Variants in CSNK1E observed in about 807,000 individuals in gnomAD.
CSNK1E encodes the protein casein kinase 1 epsilon, also known as casein kinase I isoform epsilon.
In CSNK1E, 17 loss-of-function variants were observed where a neutral mutation model predicts 46.1. The observed-to-expected ratio is 0.37, with a 90% CI of 0.25 to 0.55. CSNK1E has a LOEUF of 0.55. Among genes scored for constraint, CSNK1E ranks in the 20% least tolerant of loss-of-function variants. CSNK1E has a pLI of 0.82. For synonymous variants in CSNK1E, 241 were observed against 242.6 expected, an observed-to-expected ratio of 0.99 and a Z score of 0.06; for missense variants, 386 against 595.4, an observed-to-expected ratio of 0.65 and a Z score of 3.66.
In CSNK1E at chr22:38,298,606, C is replaced by T; in HGVS notation, c.885+180G>A. ...CTGGGCCCTGCTGCCCATGGTGGCA[C>T]AAGCTGTCAGCACGGATGAGGCTGG... On this transcript the variant is annotated intron_variant, in intron 7 of 10. Coordinates refer to ENST00000396832, the MANE Select transcript of CSNK1E (RefSeq NM_152221.3). The surrounding 1 kb of genome is among the most constrained non-coding windows in gnomAD (Gnocchi z 4.2). 7.3e-6 allele frequency: 5 copies of T among 687,980 alleles called. No homozygotes were observed. Among genetic ancestry groups the T allele is most frequent in the South Asian group, 3.6e-5 (2 of 56,062 alleles). 42.6% of individuals were successfully genotyped at this position (687,980 alleles called of 1,614,324 possible).
chr22:38,300,100 G>A lies in CSNK1E; in HGVS notation c.566-35C>T. The A allele has an allele frequency of 5.6e-6, 9 of 1,603,076 alleles. No individual in the cohort carries two copies. The highest frequency in any genetic ancestry group is 6.8e-6 in the Non-Finnish European group (8 of 1,172,974). The stretch of plus-strand genomic sequence containing the variant: ...GAGTCAAAGACTAGGTGAGGGACAG[G>A]GGTCCACTCAGGCCCCTAACTCATC... On this transcript the variant is annotated intron_variant, in intron 5 of 10. Transcript: ENST00000396832. The surrounding 1 kb of genome is among the most constrained non-coding windows in gnomAD (Gnocchi z 4.4).
At chr22:38,307,495 G>A (rs1001923303) in intron 2 of CSNK1E, among the ~76,000 whole-genome samples, 1 of 151,466 alleles carries the variant, frequency 6.6e-6, no homozygotes, top group African/African-American at 2.4e-5. Flanking sequence ...AGGTTGCAGT[G>A]AGCCGAGATC....
At chr22:38,313,200 C>G (rs898799116) in intron 2 of CSNK1E, among the ~76,000 whole-genome samples, 3 of 152,166 alleles carry the variant, frequency 2.0e-5, no homozygotes, top group Non-Finnish European at 4.4e-5. Flanking sequence ...CTGCACTGGA[C>G]AGAGCTGATT....
At chr22:38,311,029 CA>C (rs1300505787) in intron 2 of CSNK1E, among the ~76,000 whole-genome samples, 1 of 152,180 alleles carries the variant, frequency 6.6e-6, no homozygotes, top group Admixed American at 6.5e-5. Flanking sequence ...GCCCTTGCAC[CA>C]GTGAAGATGG....
chr22:38,304,377 G>A (rs1057385082), intron 2 of CSNK1E, among the ~76,000 whole-genome samples: 2 of 152,182 alleles, frequency 1.3e-5, no homozygotes, highest in African/African-American at 4.8e-5. Flanking sequence ...ATCTCAAGTA[G>A]AGGAAAAGTT....
intron 1 of CSNK1E, among the ~76,000 whole-genome samples, chr22:38,316,198 T>A (rs1282019345): frequency 2.0e-5 from 3 of 152,190 alleles, no homozygotes; most frequent in African/African-American, 7.2e-5. Flanking sequence ...CCAACCAGCA[T>A]GGCACACGGG....
Position 38,303,377 on chromosome 22 carries a change from G to C in CSNK1E, c.77-129C>G. On this transcript the variant is annotated intron_variant, in intron 2 of 10. Transcript: ENST00000396832. This position sits in a 1 kb window ranked among gnomAD's most constrained non-coding sequence, Gnocchi z 4.7. ...GGCCATCTGCCCTTGAGGAGCTCTTGGGGGAGGCTGGGAAGGGGGCAAAGG... is the reference window on the plus strand; with the variant it reads ...GGCCATCTGCCCTTGAGGAGCTCTTCGGGGAGGCTGGGAAGGGGGCAAAGG... 1 of 753,310 alleles carries C rather than the reference G, an allele frequency of 1.3e-6. No individual in the cohort carries two copies. Among genetic ancestry groups the C allele is most frequent in the African/African-American group, 1.8e-5 (1 of 56,658 alleles). 46.7% of individuals were successfully genotyped at this position (753,310 alleles called of 1,614,324 possible). A position where few individuals can be genotyped will look rare whatever the true frequency, so the allele number is the denominator to read the frequency against.
rs1305628958 is a variant in CSNK1E, at chr22:38,294,411, T to G, written c.1009A>C (p.Thr337Pro). The G allele has an allele frequency of 6.4e-7, 1 of 1,557,840 alleles. No homozygotes were observed. Among genetic ancestry groups the G allele is most frequent in the Non-Finnish European group, 8.7e-7 (1 of 1,153,824 alleles). ...GCGGCACTGCGGAGCCGGTTGGCAG[T>G]GGCCCCCGTGGGTGGGCCAGGGGGC... The part of the protein sequence containing the change: ...ALPPGPPTGA[T>P]ANRLRSAAEP... Residue 337 changes from threonine to proline, a missense_variant, in exon 8 of 11, where the codon ACT becomes CCT. Thr to Pro is a conservative substitution (Grantham distance 38, BLOSUM62 -1). This residue lies in a region of CSNK1E where 174 missense variants were observed against 185.2 expected (regional missense o/e 0.94). Coordinates refer to ENST00000396832, the MANE Select transcript of CSNK1E (RefSeq NM_152221.3). The surrounding 1 kb of genome is among the most constrained non-coding windows in gnomAD (Gnocchi z 5.5).
intron 2 of CSNK1E, among the ~76,000 whole-genome samples, chr22:38,310,884 T>G (rs956006554): frequency 6.6e-6 from 1 of 152,192 alleles, no homozygotes; most frequent in South Asian, 2.1e-4. Context: ...GATAAGAATG[T>G]GGCCAGAGTG....
chr22:38,297,032 C>T (rs2092644499), intron 7 of CSNK1E: 1 of 719,366 alleles, frequency 1.4e-6, no homozygotes, highest in Non-Finnish European at 2.6e-6. Context: ...CTATGGCCTC[C>T]CAAAGTGCTG....
At chr22:38,297,942 T>C (rs2092649564) in intron 7 of CSNK1E, 13 of 1,116,888 alleles carry the variant, frequency 1.2e-5, no homozygotes, top group African/African-American at 1.7e-5. Flanking sequence ...GGACAGCTCC[T>C]CCACCTCCTC....
rs764024536 is a variant in CSNK1E, at chr22:38,298,756, C to T, written c.885+30G>A. On this transcript the variant is annotated intron_variant, in intron 7 of 10. Transcript: ENST00000396832. This position sits in a 1 kb window ranked among gnomAD's most constrained non-coding sequence, Gnocchi z 4.2. ...TCAGGGCCTTCCCCATCCAGTCCCC[C>T]AAGCCCGCCTTGGCCTCCAGGTGAC... 4 of 1,613,200 alleles carry T rather than the reference C, an allele frequency of 2.5e-6. No homozygotes were observed. Among genetic ancestry groups the T allele is most frequent in the Admixed American group, 3.3e-5 (2 of 60,008 alleles).
rs559026367 is a variant in CSNK1E, at chr22:38,315,179, T to C, written c.-12-1010A>G. Among the ~76,000 whole-genome samples, 4 of 152,304 alleles carry C rather than the reference T, an allele frequency of 2.6e-5. No individual in the cohort carries two copies. The South Asian group carries it at 8.3e-4, about 32-fold the overall frequency. ...AGGACAGGGCTCCGGCTGTCCCACC[T>C]GGTGGTCTCCCACACTCACAAACAG... On this transcript the variant is annotated intron_variant, in intron 1 of 10. Coordinates refer to ENST00000396832, the MANE Select transcript of CSNK1E (RefSeq NM_152221.3).
At chr22:38,311,196 AC>A (rs2092719459) in intron 2 of CSNK1E, among the ~76,000 whole-genome samples, 1 of 152,126 alleles carries the variant, frequency 6.6e-6, no homozygotes, top group Admixed American at 6.5e-5. Context: ...ACACGCCACG[AC>A]CTCATTACTT....
intron 6 of CSNK1E, 90 bp downstream of exon 6, chr22:38,299,805 G>A (rs1400345180): frequency 2.0e-6 from 3 of 1,467,326 alleles, no homozygotes; most frequent in Admixed American, 3.8e-5. Flanking sequence ...ACCGCGCCTA[G>A]CCCCAGCGTG....
chr22:38,300,147 A>G lies in CSNK1E; in HGVS notation c.566-82T>C. The G allele has an allele frequency of 7.3e-7, 1 of 1,370,558 alleles. No individual in the cohort carries two copies. The highest frequency in any genetic ancestry group is 1.0e-6 in the Non-Finnish European group (1 of 993,878). 84.9% of individuals were successfully genotyped at this position (1,370,558 alleles called of 1,614,324 possible). A position where few individuals can be genotyped will look rare whatever the true frequency, so the allele number is the denominator to read the frequency against. On this transcript the variant is annotated intron_variant, in intron 5 of 10. Coordinates refer to ENST00000396832, the MANE Select transcript of CSNK1E (RefSeq NM_152221.3). This position sits in a 1 kb window ranked among gnomAD's most constrained non-coding sequence, Gnocchi z 4.4. ...CATCCTCTGGGTCATGCTCCTCACAATGCACCAGGACCCTCCTGCCCCCAC... is the reference window on the plus strand; with the variant it reads ...CATCCTCTGGGTCATGCTCCTCACAGTGCACCAGGACCCTCCTGCCCCCAC...
At chr22:38,299,858 G>C (rs757907710) in intron 6 of CSNK1E, 37 bp downstream of exon 6, 1 of 1,603,824 alleles carries the variant, frequency 6.2e-7, no homozygotes, top group East Asian at 2.2e-5. Flanking sequence ...GTGCCTCAGG[G>C]GCCCCCAGGC....
rs73154475 is a variant in CSNK1E at position 38,303,667 on chromosome 22, A to G, written c.77-419T>C. Among the ~76,000 whole-genome samples, 9,805 of 152,274 alleles carry G rather than the reference A, an allele frequency of 0.064. 375 individuals are homozygous for G. The highest frequency in any genetic ancestry group is 0.11 in the African/African-American group (4,394 of 41,544). Reference sequence around the variant, plus strand: ...GGGGCTGGGCTGCCGAACACACCAGAACAAGCCAGGACCACCCTGGCCTAC... The same window carrying G: ...GGGGCTGGGCTGCCGAACACACCAGGACAAGCCAGGACCACCCTGGCCTAC... On this transcript the variant is annotated intron_variant, in intron 2 of 10. Transcript: ENST00000396832. The surrounding 1 kb of genome is among the most constrained non-coding windows in gnomAD (Gnocchi z 4.7).
chr22:38,303,070 C>A lies in CSNK1E; in HGVS notation c.188-61G>T. 9 of 1,600,924 alleles carry A rather than the reference C, an allele frequency of 5.6e-6. No individual in the cohort carries two copies. Among genetic ancestry groups the A allele is most frequent in the Non-Finnish European group, 7.7e-6 (9 of 1,173,748 alleles). On this transcript the variant is annotated intron_variant, in intron 3 of 10. Coordinates refer to ENST00000396832, the MANE Select transcript of CSNK1E (RefSeq NM_152221.3). This position sits in a 1 kb window ranked among gnomAD's most constrained non-coding sequence, Gnocchi z 4.7. ...GAGGCAGGCAGCCAGCCACGCCCGGCCCACCCTGTGCTCATGGCTGCCCAC... is the reference window on the plus strand; with the variant it reads ...GAGGCAGGCAGCCAGCCACGCCCGGACCACCCTGTGCTCATGGCTGCCCAC...
Sources: allele counts gnomAD v4.1 joint callset (sites outside exome capture counted in the v4.1 genomes callset), GRCh38; gene constraint gnomAD v4.1.1; regional missense constraint gnomAD v4.1.1; non-coding constraint Gnocchi (gnomAD v3.1); transcripts MANE v1.5; gene names NCBI Gene and HGNC (gene_info 2026-07-23, HGNC 2026-07-21).